ESR1: variants seen among roughly 807,000 people sequenced by gnomAD.
The protein encoded by ESR1 is estrogen receptor 1.
In ESR1, 12 loss-of-function variants were observed where a neutral mutation model predicts 52.7. The observed-to-expected ratio is 0.23, with a 90% CI of 0.15 to 0.37. ESR1 has a LOEUF of 0.37. ESR1 is among the 10% of genes least tolerant of loss of function. ESR1 has a pLI of 1.00. For missense variants in ESR1, 584 were observed against 779.7 expected (o/e 0.75, Z 2.99); for synonymous variants, 305 against 316.8 (o/e 0.96, Z 0.39).
intron 6 of ESR1, among the ~76,000 whole-genome samples, chr6:152,124,809 C>T (rs1357306944): frequency 1.3e-5 from 2 of 152,158 alleles, no homozygotes; most frequent in African/African-American, 4.8e-5. Context: ...ATAAAATATT[C>T]ATGTTGAGAC....
At chr6:152,116,188 T>C (rs1243757900) in intron 6 of ESR1, among the ~76,000 whole-genome samples, 1 of 152,204 alleles carries the variant, frequency 6.6e-6, no homozygotes, top group Non-Finnish European at 1.5e-5. Flanking sequence ...AAAAGAAGAA[T>C]GTACATACCT....
intron 3 of ESR1, among the ~76,000 whole-genome samples, chr6:151,917,940 T>C (rs1185727378): frequency 6.6e-6 from 1 of 152,200 alleles, no homozygotes; most frequent in East Asian, 1.9e-4. Flanking sequence ...ATTTGAAAAA[T>C]AATAACATAT....
chr6:152,128,330 A>C (rs1348152436), exon 7 of ESR1: 4 of 152,174 alleles, frequency 2.6e-5, no homozygotes, highest in African/African-American at 9.7e-5. Flanking sequence ...AGTTCTAGGG[A>C]GCTCCCTGTA....
chr6:152,040,147 C>T lies in ESR1; in HGVS notation c.1236-20844C>T, dbSNP rs182633864. On this transcript the variant is annotated intron_variant, in intron 5 of 7. Coordinates refer to ENST00000206249, the MANE Select transcript of ESR1 (RefSeq NM_000125.4). ...CACCCCGAGGAATGGTGCCATATCG[C>T]GGCCTCAGTGTTTGTCTCTGCTGCT... Among the ~76,000 whole-genome samples the T allele has an allele frequency of 3.8e-3, 579 of 152,284 alleles. 4 individuals are homozygous for T. The highest frequency in any genetic ancestry group is 0.011 in the African/African-American group (441 of 41,564).
intron 2 of ESR1, among the ~76,000 whole-genome samples, chr6:151,723,665 T>G (rs188607015): frequency 6.6e-6 from 1 of 152,222 alleles, no homozygotes; most frequent in Admixed American, 6.5e-5. Context: ...GGTCAGGAGT[T>G]CGAGACCAGT....
intron 3 of ESR1, among the ~76,000 whole-genome samples, chr6:151,916,750 A>G (rs928771588): frequency 6.6e-6 from 1 of 152,202 alleles, no homozygotes; most frequent in Non-Finnish European, 1.5e-5. Flanking sequence ...TAGATAAGAC[A>G]TAAGTTTGTC....
At chr6:151,926,373 C>T (rs909060903) in intron 3 of ESR1, among the ~76,000 whole-genome samples, 1 of 152,058 alleles carries the variant, frequency 6.6e-6, no homozygotes, top group African/African-American at 2.4e-5. Flanking sequence ...TCAATATCTA[C>T]AAAATAGATT....
intron 5 of ESR1, among the ~76,000 whole-genome samples, chr6:152,041,761 C>A (rs750374485): frequency 2.6e-5 from 4 of 152,216 alleles, no homozygotes; most frequent in African/African-American, 4.8e-5. Context: ...AATCGATATA[C>A]CCCTGAGGTA....
At chr6:151,969,072 G>A (rs556249587) in intron 4 of ESR1, among the ~76,000 whole-genome samples, 58 of 152,162 alleles carry the variant, frequency 3.8e-4, no homozygotes, top group Admixed American at 1.8e-3. Flanking sequence ...TCTCTACGCC[G>A]TTCTGAATGC....
chr6:151,777,209 C>T (rs9479114), intron 2 of ESR1, among the ~76,000 whole-genome samples: 22,580 of 146,596 alleles, frequency 0.15, 2,585 homozygotes, highest in African/African-American at 0.3. Context: ...CCTCTGCCTC[C>T]CTGGTTCAAG....
At chr6:151,662,143 C>CGAGA (rs1293566933) in intron 1 of ESR1, among the ~76,000 whole-genome samples, 1 of 152,050 alleles carries the variant, frequency 6.6e-6, no homozygotes, top group Non-Finnish European at 1.5e-5. Flanking sequence ...GGAGGGCGCT[C>CGAGA]GAGAGACTCA....
chr6:151,978,343 G>A (rs762709929), intron 4 of ESR1, among the ~76,000 whole-genome samples: 1 of 152,146 alleles, frequency 6.6e-6, no homozygotes, highest in Non-Finnish European at 1.5e-5. Context: ...GGGAGATAAA[G>A]AGATGGTCAA....
At chr6:151,666,696 CCCTCCTCCTCCTCCTCCTCCT>C (rs56871778) in intron 1 of ESR1, among the ~76,000 whole-genome samples, 11 of 97,390 alleles carry the variant, frequency 1.1e-4, no homozygotes, top group Admixed American at 2.8e-4. Context: ...TTCCCCATCC[CCCTCCTCCTCCTCCTCCTCCT>C]CCTCCTCCTC....
intron 6 of ESR1, among the ~76,000 whole-genome samples, chr6:152,114,272 G>A (rs2051181308): frequency 6.6e-6 from 1 of 152,170 alleles, no homozygotes; most frequent in Non-Finnish European, 1.5e-5. Context: ...CATTTCTGGG[G>A]ACCAGTCTGC....
At chr6:151,668,915 A>G (rs1403731583) in intron 1 of ESR1, among the ~76,000 whole-genome samples, 2 of 152,088 alleles carry the variant, frequency 1.3e-5, no homozygotes, top group Non-Finnish European at 2.9e-5. Context: ...AGAGAAGAGC[A>G]AGGAGAATGG....
chr6:151,895,482 C>T (rs1008810294), intron 3 of ESR1, among the ~76,000 whole-genome samples: 4 of 152,198 alleles, frequency 2.6e-5, no homozygotes, highest in Non-Finnish European at 5.9e-5. Flanking sequence ...AGAGGAAATG[C>T]TTTCAACTTT....
At chr6:151,855,431 C>T (rs2128270976) in intron 2 of ESR1, among the ~76,000 whole-genome samples, 1 of 152,230 alleles carries the variant, frequency 6.6e-6, no homozygotes, top group Admixed American at 6.5e-5. Flanking sequence ...CCCTGTTTCA[C>T]TCTTCATAGC....
intron 2 of ESR1, among the ~76,000 whole-genome samples, chr6:151,765,949 G>C (rs1184829444): frequency 6.6e-6 from 1 of 152,180 alleles, no homozygotes; most frequent in East Asian, 1.9e-4. Context: ...GATTCCAAGA[G>C]ACTCTTAATA....
chr6:151,877,026 T>C (rs993498047), intron 2 of ESR1, among the ~76,000 whole-genome samples: 1 of 152,044 alleles, frequency 6.6e-6, no homozygotes, highest in African/African-American at 2.4e-5. Context: ...TGTGAGTTGT[T>C]TTTTAGAAAA....
Sources: gnomAD v4.1 joint callset for allele counts (sites outside exome capture counted in the v4.1 genomes callset) on GRCh38, gnomAD v4.1.1 for gene constraint, MANE v1.5 for transcripts, NCBI Gene and HGNC (gene_info 2026-07-23, HGNC 2026-07-21) for gene names.